OR5B2: variants seen among roughly 807,000 people sequenced by gnomAD.
OR5B2 encodes the protein olfactory receptor 5B2.
For synonymous variants in OR5B2, 163 were observed against 140.8 expected (o/e 1.16, Z -1.11); for missense variants, 411 against 367.0 (o/e 1.12, Z -0.98).
Position 58,422,457 on chromosome 11 carries a change from C to T in OR5B2, c.805G>A (p.Asp269Asn), listed in dbSNP as rs1855285811. The change falls in exon 3 of 3, where the codon GAC becomes AAC. Residue 269 changes from aspartate to asparagine, a missense_variant. By Grantham distance (23) the Asp-to-Asn change is conservative. Transcript: ENST00000641342. ...GCATAGAACACAGATGCCATTTTGT[C>T]TGTGTCCATGGAGTGGCTGGAGCTG... is the stretch of plus-strand genomic sequence containing the variant. ...QPSSSHSMDT[D>N]KMASVFYAMI... 1 of 1,613,728 alleles carries T rather than the reference C, an allele frequency of 6.2e-7. No homozygotes were observed. Among genetic ancestry groups the T allele is most frequent in the Admixed American group, 1.7e-5 (1 of 59,908 alleles).
Position 58,422,335 on chromosome 11 carries a change from T to C in OR5B2, c.927A>G (p.Leu309=), listed in dbSNP as rs145763675. The C allele has an allele frequency of 7.8e-4, 1,241 of 1,595,546 alleles. 2 individuals carry two copies. Among genetic ancestry groups the C allele is most frequent in the East Asian group, 2.2e-3 (100 of 44,564 alleles). The change falls in exon 3 of 3, where the codon CTA becomes CTG. Residue 309 remains leucine (L), a synonymous_variant. Coordinates refer to ENST00000641342, the MANE Select transcript of OR5B2 (RefSeq NM_001005566.3). ...FKKVLRRQKF[L] Reference sequence around the variant, plus strand: ...CAACAATGTTAAAATTCCAAACTTATAGAAATTTTTGCCTTCTCAACACTT... The same window carrying C: ...CAACAATGTTAAAATTCCAAACTTACAGAAATTTTTGCCTTCTCAACACTT...
At chr11:58,427,682 A>G (rs544468562) in intron 1 of OR5B2, among the ~76,000 whole-genome samples, 19 of 152,310 alleles carry the variant, frequency 1.2e-4, no homozygotes, top group African/African-American at 3.4e-4. Context: ...TGAAAACAAG[A>G]CAGACAGCAG....
intron 2 of OR5B2, among the ~76,000 whole-genome samples, chr11:58,423,900 C>T (rs1480838060): frequency 1.3e-5 from 2 of 152,108 alleles, no homozygotes; most frequent in African/African-American, 2.4e-5. Context: ...CAAACTTAGG[C>T]AGGTTTCACA....
Position 58,422,886 on chromosome 11 carries a change from T to G in OR5B2, c.376A>C (p.Lys126Gln). The change falls in exon 3 of 3, where the codon AAA becomes CAA. Residue 126 changes from lysine to glutamine, a missense_variant. By Grantham distance (53) the Lys-to-Gln change is moderately conservative (BLOSUM62 1). Coordinates refer to ENST00000641342, the MANE Select transcript of OR5B2 (RefSeq NM_001005566.3). The part of the protein sequence containing the change: ...MAYDRYAAVC[K>Q]PLHYTTTMTA... ...ATGGTGGTGGTGTAGTGTAGGGGTT[T>G]GCACACTGCTGCATAGCGGTCATAG... 1 of 1,613,812 alleles carries G rather than the reference T, an allele frequency of 6.2e-7. No individual in the cohort carries two copies. Among genetic ancestry groups the G allele is most frequent in the Admixed American group, 1.7e-5 (1 of 59,912 alleles).
In OR5B2 at chr11:58,422,732, C is replaced by T. The variant is rs1565156933; in HGVS notation, c.530G>A (p.Cys177Tyr). The T allele has an allele frequency of 6.2e-7, 1 of 1,613,750 alleles. No homozygotes were observed. Among genetic ancestry groups the T allele is most frequent in the Non-Finnish European group, 8.5e-7 (1 of 1,179,858 alleles). Residue 177 changes from cysteine (C) to tyrosine (Y), a missense_variant, in exon 3 of 3, where the codon TGT becomes TAT. Cys to Tyr is a radical substitution (Grantham distance 194). Coordinates refer to ENST00000641342, the MANE Select transcript of OR5B2 (RefSeq NM_001005566.3). Reference sequence around the variant, plus strand: ...CAGAGCCATGACTGCTGGAACATCACAGAAAAAGTGATGTACCAGATTGGA... The same window carrying T: ...CAGAGCCATGACTGCTGGAACATCATAGAAAAAGTGATGTACCAGATTGGA... ...CKSNLVHHFF[C>Y]DVPAVMALSC...
rs1197849613 is a variant in OR5B2 at position 58,423,141 on chromosome 11, GGT to G, written c.119_120del (p.Asn40ThrfsTer23). 4 of 1,613,696 alleles carry G rather than the reference GGT, an allele frequency of 2.5e-6. No homozygotes were observed. The highest frequency in any genetic ancestry group is 3.4e-6 in the Non-Finnish European group (4 of 1,179,784). On this transcript the variant is annotated frameshift_variant, in exon 3 of 3. Transcript: ENST00000641342. LOFTEE classifies it low-confidence loss of function (END_TRUNC). Reference protein sequence around the residue: ...TFIYLLTLCGNLGMMLLILMD... With the variant: ...TFIYLLTLCGXLGMMLLILMD... ...ATCAGGATCAGCAACATCATCCCCA[GGT>G]TCCCACACAGAGTGAGGAGGTAGAT...
At chr11:58,425,900 A>C (rs1855331196) in intron 2 of OR5B2, among the ~76,000 whole-genome samples, 1 of 152,090 alleles carries the variant, frequency 6.6e-6, no homozygotes, top group African/African-American at 2.4e-5. Context: ...CACAATGTAA[A>C]TCGTGTGGAC....
intron 2 of OR5B2, among the ~76,000 whole-genome samples, chr11:58,425,128 A>G (rs1855322622): frequency 6.6e-6 from 1 of 152,102 alleles, no homozygotes; most frequent in Non-Finnish European, 1.5e-5. Context: ...CATCTTGCTA[A>G]CTTACTTAGA....
At chr11:58,423,314 T>C in intron 2 of OR5B2, 25 bp from the exon 3 acceptor site, 2 of 1,107,664 alleles carry the variant, frequency 1.8e-6, no homozygotes, top group African/African-American at 1.6e-5. Flanking sequence ...AATAAAGCAA[T>C]AGAGTGATAA....
At position 58,422,448 on chromosome 11, in the gene OR5B2, C is replaced by T. The variant is rs772886907; in HGVS notation, c.814G>A (p.Ala272Thr). ...SSHSMDTDKM[A>T]SVFYAMIIPM... Reference sequence around the variant, plus strand: ...ATGATCATAGCATAGAACACAGATGCCATTTTGTCTGTGTCCATGGAGTGG... The same window carrying T: ...ATGATCATAGCATAGAACACAGATGTCATTTTGTCTGTGTCCATGGAGTGG... The change falls in exon 3 of 3, where the codon GCA becomes ACA. Residue 272 changes from alanine to threonine, a missense_variant. Transcript: ENST00000641342. The T allele has an allele frequency of 1.9e-6, 3 of 1,613,282 alleles. No homozygotes were observed. The highest frequency in any genetic ancestry group is 2.2e-5 in the South Asian group (2 of 91,072).
chr11:58,427,072 C>T (rs1420391555), intron 1 of OR5B2, among the ~76,000 whole-genome samples: 1 of 152,098 alleles, frequency 6.6e-6, no homozygotes, highest in Admixed American at 6.6e-5. Context: ...GAACCTCTAA[C>T]ATGATGTTAA....
rs1855284067 is a variant in OR5B2 at position 58,422,355 on chromosome 11, A to T, written c.907T>A (p.Leu303Met). 1 of 1,607,598 alleles carries T rather than the reference A, an allele frequency of 6.2e-7. No homozygotes were observed. Among genetic ancestry groups the T allele is most frequent in the African/African-American group, 1.3e-5 (1 of 74,702 alleles). Residue 303 changes from leucine to methionine, a missense_variant, in exon 3 of 3, where the codon TTG becomes ATG. Coordinates refer to ENST00000641342, the MANE Select transcript of OR5B2 (RefSeq NM_001005566.3). ...REVQNAFKKV[L>M]RRQKFL Reference sequence around the variant, plus strand: ...ACTTATAGAAATTTTTGCCTTCTCAACACTTTCTTGAATGCATTCTGGACT... The same window carrying T: ...ACTTATAGAAATTTTTGCCTTCTCATCACTTTCTTGAATGCATTCTGGACT...
chr11:58,425,674 A>C (rs1855328326), intron 2 of OR5B2, among the ~76,000 whole-genome samples: 2 of 152,126 alleles, frequency 1.3e-5, no homozygotes. Flanking sequence ...AACTAAATTA[A>C]ATATAACTGC....
chr11:58,425,645 A>G (rs1003747635), intron 2 of OR5B2, among the ~76,000 whole-genome samples: 7 of 152,148 alleles, frequency 4.6e-5, no homozygotes, highest in African/African-American at 1.7e-4. Context: ...GACAGAATAA[A>G]AAAACACTAG....
chr11:58,424,693 A>G (rs1855317900), intron 2 of OR5B2, among the ~76,000 whole-genome samples: 1 of 152,124 alleles, frequency 6.6e-6, no homozygotes, highest in South Asian at 2.1e-4. Flanking sequence ...TTTAAATTAG[A>G]AAGGGCATTC....
Position 58,423,174 on chromosome 11 carries a change from T to A in OR5B2, c.88A>T (p.Thr30Ser). Residue 30 changes from threonine to serine, a missense_variant, in exon 3 of 3, where the codon ACC becomes TCC. Physicochemically the swap from Thr to Ser is moderately conservative, Grantham distance 58 (BLOSUM62 1). Coordinates refer to ENST00000641342, the MANE Select transcript of OR5B2 (RefSeq NM_001005566.3). ...CACAGAGTGAGGAGGTAGATGAAGG[T>A]GAACAAGATAAAGAGGGGGATCTGT... ...ELQIPLFILFTFIYLLTLCGN... is the reference protein window; with the variant it reads ...ELQIPLFILFSFIYLLTLCGN... 1 of 1,613,564 alleles carries A rather than the reference T, an allele frequency of 6.2e-7. No homozygotes were observed. The highest frequency in any genetic ancestry group is 8.5e-7 in the Non-Finnish European group (1 of 1,179,690).
chr11:58,427,609 A>G (rs1855353142), intron 1 of OR5B2, among the ~76,000 whole-genome samples: 1 of 152,138 alleles, frequency 6.6e-6, no homozygotes, highest in Non-Finnish European at 1.5e-5. Context: ...CACACTGTGA[A>G]TTTGCATCCA....
chr11:58,423,539 A>G (rs1855305291), intron 2 of OR5B2, among the ~76,000 whole-genome samples: 1 of 152,078 alleles, frequency 6.6e-6, no homozygotes, highest in Non-Finnish European at 1.5e-5. Flanking sequence ...TATGTAGTAT[A>G]TTTAATGATG....
At chr11:58,425,803 G>A (rs1855329852) in intron 2 of OR5B2, among the ~76,000 whole-genome samples, 2 of 152,042 alleles carry the variant, frequency 1.3e-5, no homozygotes, top group African/African-American at 4.8e-5. Context: ...GTGCATTGTA[G>A]GTGAAAAATA....
Sources: allele counts gnomAD v4.1 joint callset (sites outside exome capture counted in the v4.1 genomes callset), GRCh38; gene constraint gnomAD v4.1.1; transcripts MANE v1.5; gene names NCBI Gene and HGNC (gene_info 2026-07-23, HGNC 2026-07-21).